The following HPCAL1 variants were observed in gnomAD, a reference collection of about 807,000 sequenced individuals.
HPCAL1 encodes the protein hippocalcin like 1, also known as hippocalcin-like protein 1.
Under a neutral mutation model 17.1 loss-of-function variants are expected in HPCAL1, and 8 were observed. That is an observed-to-expected ratio of 0.47 (90% CI 0.27 to 0.84). The LOEUF is 0.84. Ranked by LOEUF, HPCAL1 falls within the 40% of genes least tolerant of loss-of-function variation. The probability of loss-of-function intolerance (pLI) is 0.13; values close to 1 mark genes in which losing one functional copy is unlikely to be tolerated. For synonymous variants in HPCAL1, 112 were observed against 111.4 expected, an observed-to-expected ratio of 1.01 and a Z score of -0.03; for missense variants, 165 against 271.1, an observed-to-expected ratio of 0.61 and a Z score of 2.75.
At chr2:10,361,200 G>A (rs879591620) in intron 1 of HPCAL1, among the ~76,000 whole-genome samples, 12 of 150,586 alleles carry the variant, frequency 8.0e-5, no homozygotes, top group Non-Finnish European at 1.6e-4. Context: ...GTGGGTGGTC[G>A]GGCTCGTGGG....
intron 1 of HPCAL1, among the ~76,000 whole-genome samples, chr2:10,381,543 A>G (rs1667940305): frequency 6.6e-6 from 1 of 152,198 alleles, no homozygotes; most frequent in African/African-American, 2.4e-5. Flanking sequence ...CTTCTGGGCA[A>G]CTTGGGGTAT....
intron 2 of HPCAL1, among the ~76,000 whole-genome samples, chr2:10,401,384 C>T (rs544858494): frequency 3.3e-5 from 5 of 152,272 alleles, no homozygotes; most frequent in East Asian, 3.9e-4. Flanking sequence ...GGATCATAGA[C>T]GATGTTTAGC....
intron 2 of HPCAL1, among the ~76,000 whole-genome samples, chr2:10,413,817 T>G (rs1670494183): frequency 6.6e-6 from 1 of 152,242 alleles, no homozygotes. Flanking sequence ...GAGAGGTGAT[T>G]TGGTTTTCAC....
intron 2 of HPCAL1, among the ~76,000 whole-genome samples, chr2:10,416,940 C>T (rs1031902781): frequency 6.6e-6 from 1 of 152,186 alleles, no homozygotes; most frequent in Non-Finnish European, 1.5e-5. Context: ...TCAACTCCTC[C>T]ATGAAACAGG....
At chr2:10,375,755 C>T (rs532465788) in intron 1 of HPCAL1, among the ~76,000 whole-genome samples, 1 of 152,306 alleles carries the variant, frequency 6.6e-6, no homozygotes, top group East Asian at 1.9e-4. Flanking sequence ...AAACACAGCC[C>T]CATGACAGCC....
intron 1 of HPCAL1, among the ~76,000 whole-genome samples, chr2:10,306,700 G>A (rs1232201449): frequency 1.3e-5 from 2 of 152,148 alleles, no homozygotes; most frequent in South Asian, 2.1e-4. Context: ...TAATCAATAC[G>A]GTTTGACAGG....
At position 10,423,045 on chromosome 2, in the gene HPCAL1, G is replaced by C; in HGVS notation, c.441G>C (p.Lys147Asn). ...KMPEDESTPE[K>N]RTDKIFRQMD... Reference sequence around the variant, plus strand: ...CGGAGGATGAGTCCACCCCGGAGAAGCGCACAGACAAGATCTTCAGGCAGA... The same window carrying C: ...CGGAGGATGAGTCCACCCCGGAGAACCGCACAGACAAGATCTTCAGGCAGA... The change falls in exon 4 of 5, where the codon AAG becomes AAC. Residue 147 changes from lysine (K) to asparagine (N), a missense_variant. Physicochemically the swap from Lys to Asn is moderately conservative, Grantham distance 94. Transcript: ENST00000307845. 1 of 1,613,626 alleles carries C rather than the reference G, an allele frequency of 6.2e-7. No individual in the cohort carries two copies. The highest frequency in any genetic ancestry group is 8.5e-7 in the Non-Finnish European group (1 of 1,179,948).
intron 1 of HPCAL1, among the ~76,000 whole-genome samples, chr2:10,314,714 A>G (rs1210729285): frequency 6.6e-6 from 1 of 152,214 alleles, no homozygotes; most frequent in Non-Finnish European, 1.5e-5. Context: ...ACTAATTGTG[A>G]ATTAGAGAAA....
rs779176379 is a variant in HPCAL1 at position 10,365,689 on chromosome 2, C to T, written c.-110-31146C>T. Among the ~76,000 whole-genome samples the T allele has an allele frequency of 8.5e-5, 13 of 152,154 alleles. No homozygotes were observed. The highest frequency in any genetic ancestry group is 1.6e-4 in the Non-Finnish European group (11 of 68,030). ...TAACAGGTGCTTGGTGGTCCCCGCC[C>T]ACCCTCCTTCAGGCTCCCTACACCC... On this transcript the variant is annotated intron_variant, in intron 1 of 4. Coordinates refer to ENST00000307845, the MANE Select transcript of HPCAL1 (RefSeq NM_002149.4). The surrounding 1 kb of genome is among the most constrained non-coding windows in gnomAD (Gnocchi z 4.8).
intron 1 of HPCAL1, among the ~76,000 whole-genome samples, chr2:10,379,510 G>A (rs1292058635): frequency 6.6e-6 from 1 of 152,056 alleles, no homozygotes; most frequent in African/African-American, 2.4e-5. Context: ...GAGCTGAGCA[G>A]TGGTACAGTT....
intron 2 of HPCAL1, among the ~76,000 whole-genome samples, chr2:10,416,345 G>C (rs1211709075): frequency 1.3e-5 from 2 of 152,226 alleles, no homozygotes; most frequent in African/African-American, 4.8e-5. Flanking sequence ...ACACAGCCCT[G>C]ACAGCCGGAG....
At chr2:10,381,254 T>G (rs1192818613) in intron 1 of HPCAL1, among the ~76,000 whole-genome samples, 2 of 152,334 alleles carry the variant, frequency 1.3e-5, no homozygotes, top group East Asian at 1.9e-4. Context: ...TCCTTAAAGA[T>G]TCCACAAGGA....
chr2:10,423,174 G>T, intron 4 of HPCAL1, 86 bp downstream of exon 4: 3 of 1,009,400 alleles, frequency 3.0e-6, no homozygotes, highest in Non-Finnish European at 4.6e-6. Context: ...CCCCTCTGCA[G>T]CTTCTTGGTC....
In HPCAL1 at chr2:10,419,857, T is replaced by G; in HGVS notation, c.100T>G (p.Phe34Val). ...DHELQEWYKGFLKDCPTGHLT... is the reference protein window; with the variant it reads ...DHELQEWYKGVLKDCPTGHLT... ...CGAGCTGCAGGAGTGGTACAAGGGC[T>G]TCCTCAAGGACTGCCCCACCGGCCA... The change falls in exon 3 of 5, where the codon TTC (phenylalanine) becomes GTC (valine). Residue 34 changes from phenylalanine to valine, a missense_variant. Transcript: ENST00000307845. The surrounding 1 kb of genome is among the most constrained non-coding windows in gnomAD (Gnocchi z 5.0). 1 of 1,613,812 alleles carries G rather than the reference T, an allele frequency of 6.2e-7. No homozygotes were observed. The highest frequency in any genetic ancestry group is 8.5e-7 in the Non-Finnish European group (1 of 1,179,974).
At chr2:10,415,282 G>A (rs1053486911) in intron 2 of HPCAL1, among the ~76,000 whole-genome samples, 4 of 152,130 alleles carry the variant, frequency 2.6e-5, no homozygotes, top group South Asian at 2.1e-4. Context: ...TGCTTGTTTT[G>A]CCACTCACTG....
intron 2 of HPCAL1, among the ~76,000 whole-genome samples, chr2:10,398,345 T>C (rs943483930): frequency 1.3e-5 from 2 of 152,254 alleles, no homozygotes; most frequent in Non-Finnish European, 2.9e-5. Context: ...GGAATTTTCT[T>C]GGCCCTAGAC....
intron 4 of HPCAL1, chr2:10,424,614 G>C: frequency 2.1e-6 from 1 of 471,054 alleles, no homozygotes; most frequent in South Asian, 1.5e-5. Context: ...CATCTTCTAG[G>C]TTGGTTGGGA....
At chr2:10,340,345 G>T (rs530265556) in intron 1 of HPCAL1, among the ~76,000 whole-genome samples, 3 of 152,194 alleles carry the variant, frequency 2.0e-5, no homozygotes, top group Non-Finnish European at 4.4e-5. Flanking sequence ...ACCATGTAAG[G>T]TGTAGCCACA....
intron 1 of HPCAL1, among the ~76,000 whole-genome samples, chr2:10,381,909 G>C (rs966732325): frequency 2.0e-5 from 3 of 152,160 alleles, no homozygotes; most frequent in Admixed American, 6.5e-5. Context: ...CAACAATCAT[G>C]CTCCTTGATA....
Sources: gnomAD v4.1 joint callset for allele counts (sites outside exome capture counted in the v4.1 genomes callset) on GRCh38, gnomAD v4.1.1 for gene constraint, Gnocchi (gnomAD v3.1) non-coding constraint, MANE v1.5 for transcripts, NCBI Gene and HGNC (gene_info 2026-07-23, HGNC 2026-07-21) for gene names.